CNIH3: variants seen among roughly 807,000 people sequenced by gnomAD.
CNIH3 encodes the protein protein cornichon homolog 3.
A neutral mutation model predicts 24.1 loss-of-function variants in CNIH3; 14 were observed. The ratio of observed to expected loss-of-function variants is 0.58; its 90% confidence interval spans 0.38 to 0.91. The LOEUF (loss-of-function observed/expected upper bound fraction) is 0.91. CNIH3 is among the 40% of genes least tolerant of loss of function. The probability of loss-of-function intolerance (pLI) is 0.00; values close to 1 mark genes in which losing one functional copy is unlikely to be tolerated. For missense variants in CNIH3, 178 were observed against 196.8 expected (o/e 0.90, Z 0.57); for synonymous variants, 68 against 73.8 (o/e 0.92, Z 0.40).
At chr1:224,448,299 T>C (rs1675248067) in intron 1 of CNIH3, among the ~76,000 whole-genome samples, 1 of 152,162 alleles carries the variant, frequency 6.6e-6, no homozygotes, top group Admixed American at 6.5e-5. Flanking sequence ...TCTTGATAGA[T>C]AGCTGACTGT....
At chr1:224,512,717 C>T (rs537433856), upstream of CNIH3, among the ~76,000 whole-genome samples, 16 of 152,200 alleles carry the variant, frequency 1.1e-4, no homozygotes, top group Non-Finnish European at 1.8e-4. Flanking sequence ...ACCCTGCCAC[C>T]CCTCCAGCCC....
upstream of CNIH3, among the ~76,000 whole-genome samples, chr1:224,514,344 C>T (rs1047500653): frequency 3.3e-5 from 5 of 152,140 alleles, no homozygotes; most frequent in Non-Finnish European, 7.3e-5. Context: ...TAAATATCAT[C>T]TAGCCAGGGT....
chr1:224,550,594 A>G (rs1403807002), intron 3 of CNIH3, among the ~76,000 whole-genome samples: 1 of 152,218 alleles, frequency 6.6e-6, no homozygotes, highest in Non-Finnish European at 1.5e-5. Context: ...TTAATGTCAC[A>G]CAGTGGGCAA....
intron 3 of CNIH3, among the ~76,000 whole-genome samples, chr1:224,556,217 G>A (rs1340247135): frequency 4.6e-5 from 7 of 150,854 alleles, no homozygotes; most frequent in African/African-American, 9.8e-5. Flanking sequence ...GCTTGGTGAT[G>A]GTGTCTGTCT....
At chr1:224,649,937 TA>T (rs1448393301) in intron 1 of CNIH3, among the ~76,000 whole-genome samples, 1 of 152,212 alleles carries the variant, frequency 6.6e-6, no homozygotes, top group Non-Finnish European at 1.5e-5. Context: ...AACAGAATCT[TA>T]GAGGTCTCTG....
chr1:224,634,239 T>C (rs955787194), intron 1 of CNIH3, among the ~76,000 whole-genome samples: 3 of 152,232 alleles, frequency 2.0e-5, no homozygotes, highest in African/African-American at 7.2e-5. Flanking sequence ...TGCAGGACTT[T>C]AGCAGAGCAT....
chr1:224,738,254 G>A (rs189251185), intron 5 of CNIH3, among the ~76,000 whole-genome samples: 24 of 152,318 alleles, frequency 1.6e-4, no homozygotes, highest in African/African-American at 4.3e-4. Context: ...CTGGCATAAC[G>A]AATGAAAGTG....
At chr1:224,634,519 G>A (rs1337281667) in intron 1 of CNIH3, among the ~76,000 whole-genome samples, 1 of 151,386 alleles carries the variant, frequency 6.6e-6, no homozygotes, top group Non-Finnish European at 1.5e-5. Flanking sequence ...GTTGCAGTGA[G>A]CCGAGATTGT....
At chr1:224,618,292 C>T (rs1683123720) in intron 1 of CNIH3, among the ~76,000 whole-genome samples, 1 of 152,228 alleles carries the variant, frequency 6.6e-6, no homozygotes, top group South Asian at 2.1e-4. Context: ...AGAAGGAGCA[C>T]CCCAGTGCAT....
At chr1:224,589,777 C>G (rs549352979), downstream of CNIH3, among the ~76,000 whole-genome samples, 69 of 152,282 alleles carry the variant, frequency 4.5e-4, no homozygotes, top group African/African-American at 1.7e-3. Context: ...AAGTGGAGCC[C>G]AGGGCAGGCA....
chr1:224,590,920 A>G (rs1434670104), downstream of CNIH3, among the ~76,000 whole-genome samples: 1 of 151,636 alleles, frequency 6.6e-6, no homozygotes, highest in Non-Finnish European at 1.5e-5. Flanking sequence ...TTCCTGTAAG[A>G]CTTATAGGGT....
At chr1:224,506,586 T>C (rs1293188822) in intron 1 of CNIH3, among the ~76,000 whole-genome samples, 2 of 152,174 alleles carry the variant, frequency 1.3e-5, no homozygotes, top group East Asian at 3.9e-4. Flanking sequence ...TCGTCCCTGT[T>C]CTAAGGGCTT....
intron 1 of CNIH3, among the ~76,000 whole-genome samples, chr1:224,657,596 T>A (rs764644844): frequency 2.0e-5 from 3 of 152,208 alleles, no homozygotes; most frequent in Non-Finnish European, 4.4e-5. Context: ...AGTCCTCTAC[T>A]AGTTCAGTCC....
At chr1:224,534,760 C>T (rs1357307370) in intron 2 of CNIH3, among the ~76,000 whole-genome samples, 1 of 152,176 alleles carries the variant, frequency 6.6e-6, no homozygotes, top group Non-Finnish European at 1.5e-5. Flanking sequence ...CCACCTGCAC[C>T]CCCTCAAGTT....
At chr1:224,626,657 C>G (rs564893907) in intron 1 of CNIH3, among the ~76,000 whole-genome samples, 1 of 151,996 alleles carries the variant, frequency 6.6e-6, no homozygotes, top group Non-Finnish European at 1.5e-5. Flanking sequence ...CTCATGGGAT[C>G]GACATAAACT....
chr1:224,696,393 C>G (rs1687177225), intron 3 of CNIH3, among the ~76,000 whole-genome samples: 1 of 152,212 alleles, frequency 6.6e-6, no homozygotes, highest in Non-Finnish European at 1.5e-5. Flanking sequence ...GTGCTCAGCT[C>G]AACATCAGGG....
chr1:224,643,759 C>G (rs1004735821), intron 1 of CNIH3, among the ~76,000 whole-genome samples: 3 of 152,214 alleles, frequency 2.0e-5, no homozygotes, highest in African/African-American at 7.2e-5. Context: ...CTTCCCGCCT[C>G]ATGGATGAAA....
chr1:224,466,299 A>T (rs1040855460), intron 1 of CNIH3, among the ~76,000 whole-genome samples: 1 of 152,086 alleles, frequency 6.6e-6, no homozygotes, highest in Non-Finnish European at 1.5e-5. Context: ...TCTGTTCTCC[A>T]TCTTTTAATA....
At chr1:224,501,404 A>G (rs906904327) in intron 1 of CNIH3, among the ~76,000 whole-genome samples, 2 of 151,884 alleles carry the variant, frequency 1.3e-5, no homozygotes, top group Non-Finnish European at 2.9e-5. Flanking sequence ...AGATACTATT[A>G]TTATTGTATC....
Sources: allele counts gnomAD v4.1 joint callset (sites outside exome capture counted in the v4.1 genomes callset), GRCh38; gene constraint gnomAD v4.1.1; transcripts MANE v1.5; gene names NCBI Gene and HGNC (gene_info 2026-07-23, HGNC 2026-07-21).